The following CAMK1D variants were observed in gnomAD, a reference collection of about 807,000 sequenced individuals.
CAMK1D encodes calcium/calmodulin dependent protein kinase ID, also known as calcium/calmodulin-dependent protein kinase type 1D.
Under a neutral mutation model 47.7 loss-of-function variants are expected in CAMK1D, and 9 were observed. That is an observed-to-expected ratio of 0.19 (90% CI 0.11 to 0.33). CAMK1D has a LOEUF of 0.33. CAMK1D is among the 10% of genes least tolerant of loss of function. The pLI, the probability that CAMK1D is intolerant of heterozygous loss-of-function variation, is 1.00. For missense variants in CAMK1D, 291 were observed against 488.7 expected (o/e 0.60, Z 3.81); for synonymous variants, 184 against 184.9 (o/e 0.99, Z 0.04).
chr10:12,717,465 G>C (rs554529171), intron 3 of CAMK1D, among the ~76,000 whole-genome samples: 6 of 152,238 alleles, frequency 3.9e-5, no homozygotes, highest in Admixed American at 3.9e-4. Context: ...TCTTACTCAA[G>C]GCCACTATCT....
intron 5 of CAMK1D, among the ~76,000 whole-genome samples, chr10:12,786,376 C>G (rs1837723077): frequency 6.6e-6 from 1 of 152,116 alleles, no homozygotes; most frequent in African/African-American, 2.4e-5. Context: ...ACAGATAAGA[C>G]ACAACACCAA....
chr10:12,588,864 ATATG>A (rs1259415756), intron 2 of CAMK1D, among the ~76,000 whole-genome samples: 1 of 104,842 alleles, frequency 9.5e-6, no homozygotes, highest in Non-Finnish European at 2.0e-5. Flanking sequence ...GTATATGTAT[ATATG>A]TGTGTGTGTG....
chr10:12,425,370 C>G (rs572012497), intron 1 of CAMK1D, among the ~76,000 whole-genome samples: 1 of 151,344 alleles, frequency 6.6e-6, no homozygotes, highest in Non-Finnish European at 1.5e-5. Flanking sequence ...CAACTTCTGG[C>G]GTCTAGGTTC....
intron 3 of CAMK1D, among the ~76,000 whole-genome samples, chr10:12,730,015 A>G (rs1003064290): frequency 3.9e-5 from 6 of 152,182 alleles, no homozygotes; most frequent in African/African-American, 1.4e-4. Context: ...GGAGATTTGG[A>G]CAGAGGCGAA....
chr10:12,734,170 C>T (rs1564523706), intron 3 of CAMK1D, among the ~76,000 whole-genome samples: 1 of 149,828 alleles, frequency 6.7e-6, no homozygotes, highest in Non-Finnish European at 1.5e-5. Flanking sequence ...TGTACTAAAA[C>T]TACAAAAAAA....
chr10:12,469,925 G>A (rs534197239), intron 1 of CAMK1D, among the ~76,000 whole-genome samples: 1 of 151,776 alleles, frequency 6.6e-6, no homozygotes, highest in South Asian at 2.1e-4. Context: ...CTTAAGTATC[G>A]AACACTTTAT....
At chr10:12,429,777 G>A (rs1281101018) in intron 1 of CAMK1D, among the ~76,000 whole-genome samples, 3 of 152,174 alleles carry the variant, frequency 2.0e-5, no homozygotes, top group African/African-American at 7.2e-5. Context: ...TGAGACCACC[G>A]GGTGCCTGTG....
intron 2 of CAMK1D, among the ~76,000 whole-genome samples, chr10:12,563,706 A>G (rs908965079): frequency 2.8e-4 from 42 of 151,142 alleles, no homozygotes; most frequent in African/African-American, 1.0e-3. Context: ...AGAGGGAGAG[A>G]GAGGGAGAGA....
At chr10:12,799,190 T>A (rs979910810) in intron 6 of CAMK1D, among the ~76,000 whole-genome samples, 2 of 152,200 alleles carry the variant, frequency 1.3e-5, no homozygotes, top group Non-Finnish European at 2.9e-5. Flanking sequence ...TGGTGCACGG[T>A]GCCACCTTCC....
chr10:12,498,437 C>A (rs1212026423), intron 1 of CAMK1D, among the ~76,000 whole-genome samples: 2 of 152,146 alleles, frequency 1.3e-5, no homozygotes, highest in Non-Finnish European at 2.9e-5. Context: ...GGCCTTAGGC[C>A]AGGAGTAGGT....
intron 1 of CAMK1D, among the ~76,000 whole-genome samples, chr10:12,467,148 A>G (rs1373687065): frequency 4.6e-5 from 7 of 151,524 alleles, no homozygotes; most frequent in Admixed American, 4.6e-4. Flanking sequence ...AGGGGTGTCC[A>G]CTCTCATGTT....
intron 1 of CAMK1D, among the ~76,000 whole-genome samples, chr10:12,494,353 C>T (rs550394950): frequency 1.3e-5 from 2 of 152,086 alleles, no homozygotes; most frequent in African/African-American, 4.8e-5. Flanking sequence ...AGCCATTTTT[C>T]TTTATCAAAT....
chr10:12,725,404 AG>A (rs1306418490), intron 3 of CAMK1D: 10 of 155,704 alleles, frequency 6.4e-5, no homozygotes, highest in Middle Eastern at 5.2e-4. Context: ...ACTCAAAAGT[AG>A]GGGGTTTTCT....
chr10:12,687,788 A>G (rs569577456), intron 3 of CAMK1D, among the ~76,000 whole-genome samples: 1 of 152,204 alleles, frequency 6.6e-6, no homozygotes, highest in Non-Finnish European at 1.5e-5. Flanking sequence ...TGCAGGCTAC[A>G]GTGTCAGGAA....
At chr10:12,812,790 A>AG in intron 6 of CAMK1D, among the ~76,000 whole-genome samples, 1 of 152,294 alleles carries the variant, frequency 6.6e-6, no homozygotes. Flanking sequence ...AACCAAGGCC[A>AG]GCCCCTGCCT....
intron 1 of CAMK1D, among the ~76,000 whole-genome samples, chr10:12,427,014 C>T (rs1840257628): frequency 6.6e-6 from 1 of 152,084 alleles, no homozygotes; most frequent in Non-Finnish European, 1.5e-5. Context: ...TGTGCCCAGC[C>T]TTAATTTTCT....
At chr10:12,533,707 GA>G (rs1483101333) in intron 1 of CAMK1D, among the ~76,000 whole-genome samples, 1 of 152,138 alleles carries the variant, frequency 6.6e-6, no homozygotes, top group Non-Finnish European at 1.5e-5. Context: ...GATAGTAACA[GA>G]AAAATTGGTA....
At chr10:12,621,295 T>G (rs926485911) in intron 2 of CAMK1D, among the ~76,000 whole-genome samples, 3 of 152,206 alleles carry the variant, frequency 2.0e-5, no homozygotes, top group African/African-American at 7.2e-5. Context: ...TTTAGAATAA[T>G]CTCACTCATG....
intron 3 of CAMK1D, among the ~76,000 whole-genome samples, chr10:12,714,648 G>A (rs1399289409): frequency 6.6e-6 from 1 of 152,058 alleles, no homozygotes; most frequent in Non-Finnish European, 1.5e-5. Flanking sequence ...TAATCCAGGA[G>A]GTGGTGGTTC....
Sources: allele counts gnomAD v4.1 joint callset (sites outside exome capture counted in the v4.1 genomes callset), GRCh38; gene constraint gnomAD v4.1.1; transcripts MANE v1.5; gene names NCBI Gene and HGNC (gene_info 2026-07-23, HGNC 2026-07-21).